ASTN2: variants seen among roughly 807,000 people sequenced by gnomAD.
ASTN2 encodes astrotactin 2.
Under a neutral mutation model 139.8 loss-of-function variants are expected in ASTN2, and 54 were observed. That is an observed-to-expected ratio of 0.39 (90% CI 0.31 to 0.48). The LOEUF is 0.48. Among genes scored for constraint, ASTN2 ranks in the 20% least tolerant of loss-of-function variants. ASTN2 has a pLI of 0.95. For missense variants in ASTN2, 1,565 were observed against 1,725.1 expected, an observed-to-expected ratio of 0.91 and a Z score of 1.64; for synonymous variants, 756 against 719.5, an observed-to-expected ratio of 1.05 and a Z score of -0.81.
intron 1 of ASTN2, among the ~76,000 whole-genome samples, chr9:117,400,631 C>G (rs562726339): frequency 2.6e-5 from 4 of 152,144 alleles, no homozygotes; most frequent in Non-Finnish European, 4.4e-5. Context: ...AAACTCTAGT[C>G]GCACCTGGGT....
chr9:117,128,445 T>C (rs911111942), intron 4 of ASTN2, among the ~76,000 whole-genome samples: 3 of 108,442 alleles, frequency 2.8e-5, no homozygotes, highest in Non-Finnish European at 6.0e-5. Flanking sequence ...TCTTAGGTTT[T>C]ATGACAGCGA....
chr9:117,369,253 A>T (rs1482080730), intron 1 of ASTN2, among the ~76,000 whole-genome samples: 1 of 152,154 alleles, frequency 6.6e-6, no homozygotes, highest in Non-Finnish European at 1.5e-5. Flanking sequence ...ATGTAACATG[A>T]TTATAATGAT....
chr9:116,831,339 C>A (rs1831809179), intron 11 of ASTN2, among the ~76,000 whole-genome samples: 1 of 152,138 alleles, frequency 6.6e-6, no homozygotes, highest in Non-Finnish European at 1.5e-5. Flanking sequence ...CCTGCTTATA[C>A]CCCCTAAATA....
intron 3 of ASTN2, among the ~76,000 whole-genome samples, chr9:117,170,480 T>C (rs1253850003): frequency 6.6e-6 from 1 of 152,162 alleles, no homozygotes; most frequent in Non-Finnish European, 1.5e-5. Context: ...TGAAGCATGC[T>C]TTCTAATGGG....
Position 116,597,299 on chromosome 9 carries a change from ATT to A in ASTN2, c.3355+21023_3355+21024del, listed in dbSNP as rs757848093. 3.3e-3 allele frequency among the ~76,000 whole-genome samples: 253 copies of A among 75,540 alleles called. 1 individual carries two copies. Among genetic ancestry groups the A allele is most frequent in the African/African-American group, 0.011 (232 of 20,496 alleles). The allele number at this position is 75,540 out of a possible 152,430, so 49.6% of individuals were successfully genotyped here. On this transcript the variant is annotated intron_variant, in intron 19 of 22. Transcript: ENST00000313400. ...CAAAATATTCCATGACTTTTGATCTATTTTTTTTTTTTTTTTTTTTTTTTGGA... is the reference window on the plus strand; with the variant it reads ...CAAAATATTCCATGACTTTTGATCTATTTTTTTTTTTTTTTTTTTTTTGGA...
intron 19 of ASTN2, among the ~76,000 whole-genome samples, chr9:116,570,538 G>A (rs560753406): frequency 1.5e-4 from 23 of 152,198 alleles, no homozygotes; most frequent in East Asian, 5.8e-4. Flanking sequence ...TGGGACTACC[G>A]GCGCCCGCCA....
intron 10 of ASTN2, among the ~76,000 whole-genome samples, chr9:116,965,050 A>T (rs1835977089): frequency 1.3e-5 from 2 of 152,214 alleles, no homozygotes; most frequent in South Asian, 4.1e-4. Context: ...GATGGCAAAC[A>T]CATGACCCTT....
At chr9:117,407,301 G>A (rs1193250256) in intron 1 of ASTN2, among the ~76,000 whole-genome samples, 1 of 152,210 alleles carries the variant, frequency 6.6e-6, no homozygotes, top group African/African-American at 2.4e-5. Flanking sequence ...AAGCAGTGAA[G>A]TGCTTTACAA....
At chr9:116,816,629 T>G (rs764523013) in intron 12 of ASTN2, among the ~76,000 whole-genome samples, 1 of 152,130 alleles carries the variant, frequency 6.6e-6, no homozygotes, top group African/African-American at 2.4e-5. Context: ...ATGCCTAGGA[T>G]GTAGTCCCTG....
At chr9:116,902,858 A>T (rs1834050816) in intron 10 of ASTN2, among the ~76,000 whole-genome samples, 1 of 151,978 alleles carries the variant, frequency 6.6e-6, no homozygotes, top group African/African-American at 2.4e-5. Context: ...ATGTTTTTTT[A>T]CTTCTTTACT....
At chr9:117,151,658 TA>T (rs1246013841) in intron 3 of ASTN2, among the ~76,000 whole-genome samples, 2 of 152,106 alleles carry the variant, frequency 1.3e-5, no homozygotes, top group African/African-American at 2.4e-5. Context: ...GAGCCTTAAA[TA>T]AAGGATGTGG....
rs116415963 is a variant in ASTN2, at chr9:116,942,165, C to T, written c.1889+33043G>A. Among the ~76,000 whole-genome samples the T allele has an allele frequency of 7.4e-3, 1,132 of 152,054 alleles. 20 individuals carry two copies. The highest frequency in any genetic ancestry group is 0.025 in the African/African-American group (1,054 of 41,470). ...CTGCTTCTCTGAGGTCTCTCCTCTA[C>T]CCAGTGCAGTGCGGCAACGTGGGAT... is the stretch of plus-strand genomic sequence containing the variant. On this transcript the variant is annotated intron_variant, in intron 10 of 22. Transcript: ENST00000313400.
chr9:117,249,015 C>A (rs1342567864), intron 2 of ASTN2, among the ~76,000 whole-genome samples: 1 of 152,204 alleles, frequency 6.6e-6, no homozygotes, highest in Non-Finnish European at 1.5e-5. Context: ...TCGCTTCTAC[C>A]TTTGGCATGT....
At chr9:116,632,248 AGAAG>A (rs1374878266) in intron 17 of ASTN2, among the ~76,000 whole-genome samples, 1,643 of 90,534 alleles carry the variant, frequency 0.018, 25 homozygotes, top group Middle Eastern at 0.023. Context: ...AAAGAAAGAA[AGAAG>A]GAAAGAAAGA....
intron 16 of ASTN2, among the ~76,000 whole-genome samples, chr9:116,716,042 T>C (rs181014856): frequency 1.3e-5 from 2 of 152,180 alleles, no homozygotes; most frequent in Non-Finnish European, 2.9e-5. Context: ...AAGCTCCACA[T>C]TCATCTCCAG....
intron 1 of ASTN2, among the ~76,000 whole-genome samples, chr9:117,328,681 G>T (rs1828601271): frequency 6.6e-6 from 1 of 152,174 alleles, no homozygotes; most frequent in Non-Finnish European, 1.5e-5. Context: ...CACAGAAAGG[G>T]GTTGAAGGTT....
intron 10 of ASTN2, among the ~76,000 whole-genome samples, chr9:116,877,881 T>A (rs1833345271): frequency 6.6e-6 from 1 of 152,114 alleles, no homozygotes; most frequent in African/African-American, 2.4e-5. Flanking sequence ...AACAATCCCA[T>A]TAAAAAGTAG....
intron 3 of ASTN2, among the ~76,000 whole-genome samples, chr9:117,178,044 C>T (rs1214878091): frequency 6.6e-6 from 1 of 152,180 alleles, no homozygotes; most frequent in Non-Finnish European, 1.5e-5. Flanking sequence ...CCCACTCCAT[C>T]CTATTGTCCC....
intron 11 of ASTN2, among the ~76,000 whole-genome samples, chr9:116,848,867 C>A (rs2132318794): frequency 6.6e-6 from 1 of 152,270 alleles, no homozygotes; most frequent in Middle Eastern, 3.4e-3. Flanking sequence ...TCAGATCCCA[C>A]AGGTTGAGTA....
Sources: allele counts gnomAD v4.1 joint callset (sites outside exome capture counted in the v4.1 genomes callset), GRCh38; gene constraint gnomAD v4.1.1; transcripts MANE v1.5; gene names NCBI Gene and HGNC (gene_info 2026-07-23, HGNC 2026-07-21).